The following MAN2A1 variants were observed in gnomAD, a reference collection of about 807,000 sequenced individuals.
MAN2A1 encodes mannosidase alpha class 2A member 1.
MAN2A1 carries 76 observed loss-of-function variants against 142.6 expected under a neutral mutation model. That is an observed-to-expected ratio of 0.53 (90% confidence interval 0.44 to 0.65). MAN2A1 has a LOEUF of 0.65. MAN2A1 is among the 30% of genes least tolerant of loss of function. The pLI, the probability that MAN2A1 is intolerant of heterozygous loss-of-function variation, is 0.00. For missense variants in MAN2A1, 1,311 were observed against 1,365.1 expected, an observed-to-expected ratio of 0.96 and a Z score of 0.62; for synonymous variants, 559 against 473.2, an observed-to-expected ratio of 1.18 and a Z score of -2.35.
chr5:109,690,374 C>G lies in MAN2A1; in HGVS notation c.-44C>G. The G allele has an allele frequency of 6.2e-7, 1 of 1,612,700 alleles. No homozygotes were observed. Among genetic ancestry groups the G allele is most frequent in the Non-Finnish European group, 8.5e-7 (1 of 1,178,746 alleles). On this transcript the variant is annotated 5_prime_UTR_variant, in exon 1 of 22. Transcript: ENST00000261483. ...CCTAGAGTCCACAGTGCGCTGTCTC[C>G]TTTGGCTGAGGAGAGTGTCCTGGCC...
intron 1 of MAN2A1, among the ~76,000 whole-genome samples, chr5:109,701,427 A>T (rs924788455): frequency 4.6e-5 from 7 of 152,188 alleles, no homozygotes; most frequent in African/African-American, 1.7e-4. Context: ...TCAGGATCAG[A>T]TTGCAAATTG....
intron 5 of MAN2A1, among the ~76,000 whole-genome samples, chr5:109,759,037 C>CT (rs1282759120): frequency 6.6e-6 from 1 of 151,880 alleles, no homozygotes; most frequent in Middle Eastern, 3.2e-3. Flanking sequence ...AACTTCCGTT[C>CT]TTTTTTTAAA....
chr5:109,733,367 C>CT (rs1465113415), intron 4 of MAN2A1, among the ~76,000 whole-genome samples: 2 of 152,112 alleles, frequency 1.3e-5, no homozygotes, highest in Non-Finnish European at 2.9e-5. Flanking sequence ...CTTCTCCTGC[C>CT]TAATTTCCCT....
At chr5:109,781,245 C>T in intron 8 of MAN2A1, 151 bp from the exon 9 acceptor site, 7 of 512,986 alleles carry the variant, frequency 1.4e-5, no homozygotes, top group South Asian at 1.2e-4. Context: ...TATTTTCTTC[C>T]CTGCTTCTGA....
Position 109,847,744 on chromosome 5 carries a change from C to T in MAN2A1, c.2930C>T (p.Ala977Val). The T allele has an allele frequency of 6.3e-7, 1 of 1,595,958 alleles. No individual in the cohort carries two copies. Among genetic ancestry groups the T allele is most frequent in the Non-Finnish European group, 8.5e-7 (1 of 1,170,904 alleles). ...GGTATCCAGGATAACAAGATTACAG[C>T]TAATCTATTTCGAATACTACTAGAA... is the stretch of plus-strand genomic sequence containing the variant. ...EQGIQDNKIT[A>V]NLFRILLEKR... The change falls in exon 19 of 22, where the codon GCT (alanine) becomes GTT (valine). Residue 977 changes from alanine (A) to valine (V), a missense_variant. Coordinates refer to ENST00000261483, the MANE Select transcript of MAN2A1 (RefSeq NM_002372.4).
intron 16 of MAN2A1, among the ~76,000 whole-genome samples, chr5:109,826,869 G>C (rs1055684740): frequency 1.3e-5 from 2 of 152,214 alleles, no homozygotes; most frequent in African/African-American, 4.8e-5. Flanking sequence ...CTGTAAATCA[G>C]ACACCTGGAT....
chr5:109,809,372 C>T (rs1754259029), intron 12 of MAN2A1, among the ~76,000 whole-genome samples: 1 of 151,912 alleles, frequency 6.6e-6, no homozygotes, highest in African/African-American at 2.4e-5. Flanking sequence ...TCCCTGCAAT[C>T]TCATGTTTCC....
At chr5:109,831,438 C>A (rs1251643826) in intron 16 of MAN2A1, among the ~76,000 whole-genome samples, 2 of 152,194 alleles carry the variant, frequency 1.3e-5, no homozygotes, top group African/African-American at 4.8e-5. Context: ...AAGAATATCA[C>A]AATGTGTGAA....
At chr5:109,717,966 T>G (rs1751501057) in intron 3 of MAN2A1, among the ~76,000 whole-genome samples, 1 of 152,184 alleles carries the variant, frequency 6.6e-6, no homozygotes, top group South Asian at 2.1e-4. Context: ...CTCAGTGAGG[T>G]GAGGTGCTCC....
At chr5:109,696,701 A>G (rs1229051120) in intron 1 of MAN2A1, among the ~76,000 whole-genome samples, 1 of 152,126 alleles carries the variant, frequency 6.6e-6, no homozygotes, top group East Asian at 1.9e-4. Context: ...TGCTCTCAAT[A>G]TCCTCTGGGA....
intron 21 of MAN2A1, among the ~76,000 whole-genome samples, chr5:109,866,634 G>A (rs1261502420): frequency 6.6e-6 from 1 of 152,014 alleles, no homozygotes; most frequent in East Asian, 1.9e-4. Flanking sequence ...ATGTATATAT[G>A]TATATTTAAT....
chr5:109,781,650 A>G (rs768020963), intron 9 of MAN2A1, 52 bp downstream of exon 9: 2 of 1,271,626 alleles, frequency 1.6e-6, no homozygotes, highest in Non-Finnish European at 2.2e-6. Flanking sequence ...ATATTATCAT[A>G]ATCTTTTTGT....
At chr5:109,844,080 C>G (rs1022043048) in intron 17 of MAN2A1, among the ~76,000 whole-genome samples, 3 of 152,116 alleles carry the variant, frequency 2.0e-5, no homozygotes, top group Non-Finnish European at 4.4e-5. Context: ...GATAAAATCT[C>G]AACTTCATGG....
At chr5:109,824,014 AC>A (rs1396386492) in intron 16 of MAN2A1, among the ~76,000 whole-genome samples, 177 bp downstream of exon 16, 8 of 152,200 alleles carry the variant, frequency 5.3e-5, no homozygotes, top group African/African-American at 1.7e-4. Flanking sequence ...AAATGGTAAA[AC>A]GTTTCAATCC....
intron 17 of MAN2A1, among the ~76,000 whole-genome samples, chr5:109,844,699 A>G (rs543120720): frequency 1.3e-5 from 2 of 152,266 alleles, no homozygotes; most frequent in East Asian, 3.9e-4. Flanking sequence ...GTGGTTGCCT[A>G]TGCTTGGCAT....
intron 2 of MAN2A1, among the ~76,000 whole-genome samples, chr5:109,715,063 C>A (rs1167694673): frequency 3.3e-5 from 5 of 151,310 alleles, no homozygotes; most frequent in Non-Finnish European, 7.4e-5. Flanking sequence ...TGCAGAGCAA[C>A]CATGGAAGTC....
intron 4 of MAN2A1, among the ~76,000 whole-genome samples, chr5:109,752,455 G>A (rs759258641): frequency 1.3e-5 from 2 of 152,204 alleles, no homozygotes; most frequent in African/African-American, 2.4e-5. Flanking sequence ...ACGTGCCAAC[G>A]TGAACAAAAC....
At position 109,820,260 on chromosome 5, in the gene MAN2A1, A is replaced by T; in HGVS notation, c.2369A>T (p.Asn790Ile). 4 of 1,609,962 alleles carry T rather than the reference A, an allele frequency of 2.5e-6. No homozygotes were observed. The highest frequency in any genetic ancestry group is 3.4e-6 in the Non-Finnish European group (4 of 1,176,598). ...GAAGATGGTAAACACCATGAAGTAA[A>T]TGTGCAATTTTCATGGTATGGAACC... ...TKEDGKHHEV[N>I]VQFSWYGTTI... Residue 790 changes from asparagine (N) to isoleucine (I), a missense_variant, in exon 15 of 22, where the codon AAT becomes ATT. Asn to Ile is a moderately radical substitution (Grantham distance 149, BLOSUM62 -3). Around this residue, in one of 3 missense-constraint regions of MAN2A1, gnomAD observed 890 missense variants for 920.5 expected, o/e 0.97. Transcript: ENST00000261483.
At chr5:109,792,720 C>T (rs1405138710) in intron 12 of MAN2A1, among the ~76,000 whole-genome samples, 1 of 151,978 alleles carries the variant, frequency 6.6e-6, no homozygotes, top group Non-Finnish European at 1.5e-5. Flanking sequence ...CTGGAGTTCC[C>T]CAAAGATTTG....
Sources: gnomAD v4.1 joint callset for allele counts (sites outside exome capture counted in the v4.1 genomes callset) on GRCh38, gnomAD v4.1.1 for gene constraint, gnomAD v4.1.1 regional missense constraint, MANE v1.5 for transcripts, NCBI Gene and HGNC (gene_info 2026-07-23, HGNC 2026-07-21) for gene names.